LRRC56: variants seen among roughly 807,000 people sequenced by gnomAD.
LRRC56 encodes leucine-rich repeat-containing protein 56.
Under a neutral mutation model 47.8 loss-of-function variants are expected in LRRC56, and 41 were observed. The observed-to-expected ratio is 0.86, with a 90% confidence interval of 0.67 to 1.11. The LOEUF (loss-of-function observed/expected upper bound fraction) is 1.11, where lower values mean the gene tolerates loss of function less well. LRRC56 is among the 50% of genes most tolerant of loss of function. LRRC56 has a pLI of 0.00. For synonymous variants in LRRC56, 387 were observed against 311.2 expected, an observed-to-expected ratio of 1.24 and a Z score of -2.56; for missense variants, 759 against 704.2, an observed-to-expected ratio of 1.08 and a Z score of -0.88.
chr11:518,234 G>C, the LRRC56 span, among the ~76,000 whole-genome samples: 1 of 151,688 alleles, frequency 6.6e-6, no homozygotes, highest in Non-Finnish European at 1.5e-5. Context: ...CTAGGCTGGA[G>C]TGCAGTGGCC....
At chr11:549,818 C>G in intron 6 of LRRC56, 84 bp from the exon 7 acceptor site, 2 of 1,225,670 alleles carry the variant, frequency 1.6e-6, no homozygotes, top group Middle Eastern at 2.4e-4. Flanking sequence ...CACACCTGCC[C>G]CTACCCCTGA....
At chr11:507,094 C>G in the LRRC56 span, 1 of 152,238 alleles carries the variant, frequency 6.6e-6, no homozygotes, top group Non-Finnish European at 1.5e-5. Context: ...GACGCTGACG[C>G]ACCGCTGGAG....
At chr11:533,670 A>G, upstream of LRRC56, 2 of 1,612,266 alleles carry the variant, frequency 1.2e-6, no homozygotes, top group Non-Finnish European at 1.7e-6. Flanking sequence ...GGCATCCAGG[A>G]CATGCGCAGA....
chr11:506,756 C>T, the LRRC56 span: 7 of 152,302 alleles, frequency 4.6e-5, no homozygotes, highest in Admixed American at 4.6e-4. Flanking sequence ...GCTTGCGTAG[C>T]TCGCTGGAAT....
the LRRC56 span, among the ~76,000 whole-genome samples, chr11:508,502 C>A: frequency 1.3e-5 from 2 of 152,242 alleles, no homozygotes; most frequent in African/African-American, 4.8e-5. Flanking sequence ...CGTGGTGGCT[C>A]ACACCTGTAA....
the LRRC56 span, among the ~76,000 whole-genome samples, chr11:508,841 C>G: frequency 1.3e-5 from 2 of 151,794 alleles, no homozygotes; most frequent in Non-Finnish European, 2.9e-5. Flanking sequence ...GTCAGGAGTT[C>G]AAGACCAGCC....
At position 551,191 on chromosome 11, in the gene LRRC56, C is replaced by T. The variant is rs1387482042; in HGVS notation, c.685C>T (p.Leu229=). The T allele has an allele frequency of 3.2e-6, 5 of 1,546,568 alleles. No individual in the cohort carries two copies. In the African/African-American group the frequency reaches 4.1e-5, roughly 13 times the overall value. The part of the protein sequence containing the change: ...VRKLIPQLQV[L]DEVPAAHTGP... Reference sequence around the variant, plus strand: ...GAAGCTCATTCCCCAGCTGCAGGTCCTGGACGAAGTGCCGGCCGCACACAC... The same window carrying T: ...GAAGCTCATTCCCCAGCTGCAGGTCTTGGACGAAGTGCCGGCCGCACACAC... The change falls in exon 9 of 14, where the codon CTG becomes TTG. Residue 229 remains leucine, a synonymous_variant. Coordinates refer to ENST00000270115, the MANE Select transcript of LRRC56 (RefSeq NM_198075.4).
the LRRC56 span, among the ~76,000 whole-genome samples, chr11:525,549 A>G: frequency 7.1e-6 from 1 of 141,674 alleles, no homozygotes; most frequent in African/African-American, 2.8e-5. Flanking sequence ...CCCTGTCTCA[A>G]AGAAAAAAAA....
chr11:514,616 A>AGG, the LRRC56 span, among the ~76,000 whole-genome samples: 1 of 151,760 alleles, frequency 6.6e-6, no homozygotes, highest in African/African-American at 2.4e-5. Context: ...TTTGGTCTTG[A>AGG]GGGAGGGTAG....
At chr11:534,330 C>T (rs2133995380), upstream of LRRC56, 1 of 1,609,038 alleles carries the variant, frequency 6.2e-7, no homozygotes, top group Non-Finnish European at 8.5e-7. Flanking sequence ...CATCGCTCCT[C>T]AGGGGCCTGC....
the LRRC56 span, among the ~76,000 whole-genome samples, chr11:510,062 G>T: frequency 6.6e-6 from 1 of 151,950 alleles, no homozygotes; most frequent in African/African-American, 2.4e-5. Flanking sequence ...GAGGGATGCT[G>T]CCCTTTCCTT....
At chr11:550,035 T>TGGGCC (rs1260092851) in intron 7 of LRRC56, 37 bp downstream of exon 7, 1 of 1,608,806 alleles carries the variant, frequency 6.2e-7, no homozygotes. Flanking sequence ...AGGCCTGGGC[T>TGGGCC]GGGCCGGGCC....
chr11:509,109 C>A, the LRRC56 span, among the ~76,000 whole-genome samples: 2 of 152,130 alleles, frequency 1.3e-5, no homozygotes, highest in Non-Finnish European at 2.9e-5. Flanking sequence ...CACACACCCC[C>A]AAGAAAGCTC....
Position 551,959 on chromosome 11 carries a change from C to G in LRRC56, c.1030C>G (p.Gln344Glu), listed in dbSNP as rs1564807525. ...CAAGGGCCTGCGGGAGCGTAGGCAC[C>G]AGTGCCAGGTACAGCCCACAGGGAC... is the stretch of plus-strand genomic sequence containing the variant. ...PTKGLRERRHQCQAREPPEQL... is the reference protein window; with the variant it reads ...PTKGLRERRHECQAREPPEQL... Residue 344 changes from glutamine (Q) to glutamate (E), a missense_variant, in exon 11 of 14, where the codon CAG becomes GAG. Gln to Glu is a conservative substitution (Grantham distance 29). Coordinates refer to ENST00000270115, the MANE Select transcript of LRRC56 (RefSeq NM_198075.4). The G allele has an allele frequency of 6.2e-7, 1 of 1,612,708 alleles. No individual in the cohort carries two copies. The highest frequency in any genetic ancestry group is 1.3e-5 in the African/African-American group (1 of 75,044).
intron 4 of LRRC56, 22 bp downstream of exon 4, chr11:540,883 T>C: frequency 6.6e-7 from 1 of 1,520,148 alleles, no homozygotes; most frequent in Non-Finnish European, 8.9e-7. Flanking sequence ...CGCTGGGGGC[T>C]GTGGCCACAG....
the LRRC56 span, among the ~76,000 whole-genome samples, chr11:518,898 GGGGC>G: frequency 7.7e-6 from 1 of 129,762 alleles, no homozygotes; most frequent in Non-Finnish European, 1.7e-5. Context: ...CTGAGGGACC[GGGGC>G]GGGGGGGCGT....
At chr11:521,757 TA>T in the LRRC56 span, among the ~76,000 whole-genome samples, 3 of 151,770 alleles carry the variant, frequency 2.0e-5, no homozygotes, top group Admixed American at 2.0e-4. Context: ...TACTAAAAAA[TA>T]CAAAAAATTA....
the LRRC56 span, among the ~76,000 whole-genome samples, chr11:509,333 A>G: frequency 0.22 from 33,428 of 152,186 alleles, 3,884 homozygotes; most frequent in Middle Eastern, 0.3. Context: ...GTTTCATTTC[A>G]TTCTTTTCTT....
At chr11:518,344 G>C in the LRRC56 span, among the ~76,000 whole-genome samples, 1 of 152,076 alleles carries the variant, frequency 6.6e-6, no homozygotes, top group Non-Finnish European at 1.5e-5. Flanking sequence ...ACCACGCCCA[G>C]CTAATTTTTT....
Sources: gnomAD v4.1 joint callset for allele counts (sites outside exome capture counted in the v4.1 genomes callset) on GRCh38, gnomAD v4.1.1 for gene constraint, MANE v1.5 for transcripts, NCBI Gene and HGNC (gene_info 2026-07-23, HGNC 2026-07-21) for gene names.